TOP1: variants seen among roughly 807,000 people sequenced by gnomAD.
TOP1 encodes DNA topoisomerase I.
In TOP1, 10 loss-of-function variants were observed where a neutral mutation model predicts 111.1. The ratio of observed to expected loss-of-function variants is 0.09; its 90% CI spans 0.06 to 0.15. The LOEUF (loss-of-function observed/expected upper bound fraction) is 0.15. Ranked by LOEUF, TOP1 falls within the 10% of genes least tolerant of loss-of-function variation. The probability of loss-of-function intolerance (pLI) is 1.00; values close to 1 mark genes in which losing one functional copy is unlikely to be tolerated. For synonymous variants in TOP1, 271 were observed against 302.9 expected (o/e 0.89, Z 1.10); for missense variants, 474 against 926.7 (o/e 0.51, Z 6.34).
chr20:41,097,387 C>A lies in TOP1; in HGVS notation c.852+46C>A. 6.5e-7 allele frequency: 1 copy of A among 1,534,234 alleles called. No individual in the cohort carries two copies. The highest frequency in any genetic ancestry group is 1.2e-5 in the South Asian group (1 of 81,858). On this transcript the variant is annotated intron_variant, in intron 10 of 20. Coordinates refer to ENST00000361337, the MANE Select transcript of TOP1 (RefSeq NM_003286.4). This position sits in a 1 kb window ranked among gnomAD's most constrained non-coding sequence, Gnocchi z 4.2. ...ATATCCTAGTACCTTGCAAAACAAT[C>A]AAGTACTAAGTAATAAATTATCATT...
At chr20:41,090,005 G>A (rs895017036) in intron 8 of TOP1, among the ~76,000 whole-genome samples, 2 of 151,786 alleles carry the variant, frequency 1.3e-5, no homozygotes, top group Non-Finnish European at 2.9e-5. Context: ...ATGGAGTCTT[G>A]CTCTGTCGCC....
intron 8 of TOP1, among the ~76,000 whole-genome samples, chr20:41,091,299 C>T (rs535024790): frequency 5.3e-5 from 8 of 152,206 alleles, no homozygotes; most frequent in African/African-American, 1.9e-4. Context: ...TAGCCAGTTG[C>T]AATTTGTGAG....
At chr20:41,031,825 T>G (rs2033123568) in intron 2 of TOP1, among the ~76,000 whole-genome samples, 1 of 151,652 alleles carries the variant, frequency 6.6e-6, no homozygotes, top group Non-Finnish European at 1.5e-5. Context: ...AAATCTCTAT[T>G]TTCTTACAGA....
chr20:41,090,258 C>T (rs141611520), intron 8 of TOP1, among the ~76,000 whole-genome samples: 10,286 of 152,204 alleles, frequency 0.068, 374 homozygotes, highest in Middle Eastern at 0.17. Flanking sequence ...GGATTACAGG[C>T]GTGAGCCACT....
chr20:41,037,722 T>C (rs1305504111), intron 2 of TOP1, among the ~76,000 whole-genome samples: 2 of 152,256 alleles, frequency 1.3e-5, no homozygotes, highest in Admixed American at 1.3e-4. Context: ...TTGAATTTGT[T>C]TTTTTGGAAG....
At chr20:41,073,263 C>T in intron 3 of TOP1, 1 of 984,660 alleles carries the variant, frequency 1.0e-6, no homozygotes, top group African/African-American at 1.8e-5. Context: ...CTAAGAAATG[C>T]TTTCACTGAG....
rs2034039913 is a variant in TOP1 at position 41,100,207 on chromosome 20, G to A, written c.1127G>A (p.Arg376Gln). ...NHPKMGMLKR[R>Q]IMPEDIIINC... is the part of the protein sequence containing the mutation. Reference sequence around the variant, plus strand: ...CCCAAGATGGGCATGCTGAAGAGACGAATCATGCCCGAGGATATAATCATC... The same window carrying A: ...CCCAAGATGGGCATGCTGAAGAGACAAATCATGCCCGAGGATATAATCATC... The change falls in exon 12 of 21, where the codon CGA becomes CAA. Residue 376 changes from arginine to glutamine, a missense_variant. By Grantham distance (43) the Arg-to-Gln change is conservative. Transcript: ENST00000361337. The surrounding 1 kb of genome is among the most constrained non-coding windows in gnomAD (Gnocchi z 4.4). 1.9e-6 allele frequency: 3 copies of A among 1,613,788 alleles called. No homozygotes were observed. Among genetic ancestry groups the A allele is most frequent in the East Asian group, 2.2e-5 (1 of 44,874 alleles).
intron 3 of TOP1, among the ~76,000 whole-genome samples, chr20:41,064,650 C>T (rs1294682468): frequency 2.0e-5 from 3 of 152,164 alleles, no homozygotes; most frequent in African/African-American, 4.8e-5. Context: ...TACTCTCTTG[C>T]CCCTTTGCTG....
intron 2 of TOP1, among the ~76,000 whole-genome samples, chr20:41,052,547 C>T (rs17263588): frequency 0.11 from 16,543 of 152,164 alleles, 1,276 homozygotes; most frequent in Non-Finnish European, 0.16. Context: ...GGCCAGCTTT[C>T]AGGAACTTTT....
Position 41,122,782 on chromosome 20 carries a change from T to C in TOP1, c.2196-413T>C, listed in dbSNP as rs2034443090. ...CCGGGCTAAAGTTTCCATCTAGGTC[T>C]TTTGTACCTCTTTCTGCTCGTTTTG... On this transcript the variant is annotated intron_variant, in intron 20 of 20. Coordinates refer to ENST00000361337, the MANE Select transcript of TOP1 (RefSeq NM_003286.4). The surrounding 1 kb of genome is among the most constrained non-coding windows in gnomAD (Gnocchi z 5.4). 3.3e-5 allele frequency among the ~76,000 whole-genome samples: 5 copies of C among 152,208 alleles called. No individual in the cohort carries two copies. Among genetic ancestry groups the C allele is most frequent in the Admixed American group, 3.3e-4 (5 of 15,284 alleles).
chr20:41,036,091 T>TA (rs2033181356), intron 2 of TOP1, among the ~76,000 whole-genome samples: 1 of 152,248 alleles, frequency 6.6e-6, no homozygotes, highest in Non-Finnish European at 1.5e-5. Flanking sequence ...TGCATAGGCT[T>TA]ATGGGGAGAA....
chr20:41,083,348 A>G lies in TOP1; in HGVS notation c.508-1114A>G, dbSNP rs2033811086. Among the ~76,000 whole-genome samples the G allele has an allele frequency of 6.6e-6, 1 of 152,230 alleles. No homozygotes were observed. The highest frequency in any genetic ancestry group is 1.5e-5 in the Non-Finnish European group (1 of 68,036). Reference sequence around the variant, plus strand: ...TTTATATTCTCCGTGCCTGTTTTAAAATATGGATGGTACTGTAAGCTTTCC... The same window carrying G: ...TTTATATTCTCCGTGCCTGTTTTAAGATATGGATGGTACTGTAAGCTTTCC... On this transcript the variant is annotated intron_variant, in intron 7 of 20. Coordinates refer to ENST00000361337, the MANE Select transcript of TOP1 (RefSeq NM_003286.4). The surrounding 1 kb of genome is among the most constrained non-coding windows in gnomAD (Gnocchi z 7.2).
At position 41,061,097 on chromosome 20, in the gene TOP1, G is replaced by T. The variant is rs1451743502; in HGVS notation, c.59-297G>T. ...CCCTTTGTTATCATTTATAGGTCAGGCTTAATAGTATTATGTCTAGGGAGA... is the reference window on the plus strand; with the variant it reads ...CCCTTTGTTATCATTTATAGGTCAGTCTTAATAGTATTATGTCTAGGGAGA... On this transcript the variant is annotated intron_variant, in intron 2 of 20. Transcript: ENST00000361337. This position sits in a 1 kb window ranked among gnomAD's most constrained non-coding sequence, Gnocchi z 4.6. 1.3e-5 allele frequency among the ~76,000 whole-genome samples: 2 copies of T among 152,130 alleles called. No homozygotes were observed. Among genetic ancestry groups the T allele is most frequent in the Non-Finnish European group, 2.9e-5 (2 of 68,016 alleles).
At chr20:41,113,851 C>T in intron 14 of TOP1, 119 bp from the exon 15 acceptor site, 1 of 817,934 alleles carries the variant, frequency 1.2e-6, no homozygotes, top group Non-Finnish European at 1.8e-6. Flanking sequence ...CCATTGCACT[C>T]TAGCCTGGCG....
intron 2 of TOP1, among the ~76,000 whole-genome samples, chr20:41,041,856 C>A (rs1156602432): frequency 6.6e-6 from 1 of 151,938 alleles, no homozygotes; most frequent in Non-Finnish European, 1.5e-5. Context: ...AATTACGATA[C>A]TCCACAGGTT....
In TOP1 at chr20:41,121,759, G is replaced by T. The variant is rs745559074; in HGVS notation, c.2014G>T (p.Ala672Ser). ...AGACCTGAAAAGTGCTAAGGCTGATGCCAAGGTCATGAAGGATGCAAAGAC... is the reference window on the plus strand; with the variant it reads ...AGACCTGAAAAGTGCTAAGGCTGATTCCAAGGTCATGAAGGATGCAAAGAC... ...RRDLKSAKADAKVMKDAKTKK... is the reference protein window; with the variant it reads ...RRDLKSAKADSKVMKDAKTKK... Residue 672 changes from alanine to serine, a missense_variant, in exon 19 of 21, where the codon GCC becomes TCC. This residue lies in a region of TOP1 where 36 missense variants were observed against 42.3 expected (regional missense o/e 0.85). Coordinates refer to ENST00000361337, the MANE Select transcript of TOP1 (RefSeq NM_003286.4). The surrounding 1 kb of genome is among the most constrained non-coding windows in gnomAD (Gnocchi z 4.2). 1 of 1,614,176 alleles carries T rather than the reference G, an allele frequency of 6.2e-7. No homozygotes were observed. The highest frequency in any genetic ancestry group is 8.5e-7 in the Non-Finnish European group (1 of 1,180,004).
In TOP1 at chr20:41,029,358, C is replaced by A; in HGVS notation, c.34-73C>A. The A allele has an allele frequency of 1.4e-6, 2 of 1,385,758 alleles. No individual in the cohort carries two copies. Among genetic ancestry groups the A allele is most frequent in the Non-Finnish European group, 9.5e-7 (1 of 1,050,674 alleles). The allele number at this position is 1,385,758 out of a possible 1,614,324, so 85.8% of individuals were successfully genotyped here. A position where few individuals can be genotyped will look rare whatever the true frequency, so the allele number is the denominator to read the frequency against. On this transcript the variant is annotated intron_variant, in intron 1 of 20. Transcript: ENST00000361337. The surrounding 1 kb of genome is among the most constrained non-coding windows in gnomAD (Gnocchi z 6.1). Reference sequence around the variant, plus strand: ...CCGGGGGCGCAGGGTGAGCCAGACCCCGGCCGCGCGCGCTCGCCGCCGGAG... The same window carrying A: ...CCGGGGGCGCAGGGTGAGCCAGACCACGGCCGCGCGCGCTCGCCGCCGGAG...
At chr20:41,063,783 G>A (rs540125638) in intron 3 of TOP1, among the ~76,000 whole-genome samples, 108 of 151,450 alleles carry the variant, frequency 7.1e-4, no homozygotes, top group Middle Eastern at 6.8e-3. Context: ...TTTTAATGGG[G>A]TTACTTGTTT....
rs908819142 is a variant in TOP1, at chr20:41,118,917, G to A, written c.1950+621G>A. ...TCCTCCTAACTCCGCCTGGTACTGA[G>A]CTTTTAAACCATAAGGCACTTAACA... On this transcript the variant is annotated intron_variant, in intron 18 of 20. Coordinates refer to ENST00000361337, the MANE Select transcript of TOP1 (RefSeq NM_003286.4). This position sits in a 1 kb window ranked among gnomAD's most constrained non-coding sequence, Gnocchi z 4.6. Among the ~76,000 whole-genome samples, 24 of 152,154 alleles carry A rather than the reference G, an allele frequency of 1.6e-4. No individual in the cohort carries two copies. The highest frequency in any genetic ancestry group is 5.6e-4 in the African/African-American group (23 of 41,422).
Sources: allele counts gnomAD v4.1 joint callset (sites outside exome capture counted in the v4.1 genomes callset), GRCh38; gene constraint gnomAD v4.1.1; regional missense constraint gnomAD v4.1.1; non-coding constraint Gnocchi (gnomAD v3.1); transcripts MANE v1.5; gene names NCBI Gene and HGNC (gene_info 2026-07-23, HGNC 2026-07-21).